The following ACAD10 variants were observed in gnomAD, a reference collection of about 807,000 sequenced individuals.
ACAD10 encodes the protein acyl-CoA dehydrogenase family member 10.
Under a neutral mutation model 116.8 loss-of-function variants are expected in ACAD10, and 112 were observed. The ratio of observed to expected loss-of-function variants is 0.96; its 90% CI spans 0.82 to 1.12. The LOEUF is 1.12. Among genes scored for constraint, ACAD10 ranks in the 50% most tolerant of loss-of-function variants. ACAD10 has a pLI of 0.00. For synonymous variants in ACAD10, 486 were observed against 510.6 expected, an observed-to-expected ratio of 0.95 and a Z score of 0.65; for missense variants, 1,259 against 1,350.2, an observed-to-expected ratio of 0.93 and a Z score of 1.06.
chr12:111,735,818 ATATT>A (rs970598792), intron 11 of ACAD10, among the ~76,000 whole-genome samples: 47 of 151,314 alleles, frequency 3.1e-4, no homozygotes, highest in African/African-American at 3.9e-4. Context: ...TTTTATTTTT[ATATT>A]TATTTATTTA....
chr12:111,709,783 G>A (rs1298042202), intron 5 of ACAD10, 99 bp downstream of exon 5: 1 of 1,282,500 alleles, frequency 7.8e-7, no homozygotes, highest in Non-Finnish European at 1.1e-6. Context: ...CTTTCCTTAG[G>A]GTTTCCCCCT....
At chr12:111,754,629 C>A (rs1394916863) in intron 19 of ACAD10, among the ~76,000 whole-genome samples, 1 of 84,446 alleles carries the variant, frequency 1.2e-5, no homozygotes. Flanking sequence ...AACCCATGCT[C>A]ATGCTCACAG....
intron 2 of ACAD10, among the ~76,000 whole-genome samples, chr12:111,693,927 T>C (rs1888124462): frequency 6.6e-6 from 1 of 152,228 alleles, no homozygotes; most frequent in African/African-American, 2.4e-5. Context: ...ACTCCGACTC[T>C]TTATAGCATG....
intron 3 of ACAD10, among the ~76,000 whole-genome samples, chr12:111,703,630 GAGTTCA>G (rs1888412495): frequency 6.6e-6 from 1 of 152,016 alleles, no homozygotes; most frequent in Admixed American, 6.6e-5. Flanking sequence ...CTGAGGTCAG[GAGTTCA>G]AGACAAGCCC....
chr12:111,710,333 C>T (rs1008248212), intron 5 of ACAD10: 19 of 452,698 alleles, frequency 4.2e-5, no homozygotes, highest in Admixed American at 7.1e-5. Flanking sequence ...AGCGATCTAC[C>T]CACCTTACCC....
At chr12:111,698,483 C>T (rs770400062) in intron 2 of ACAD10, among the ~76,000 whole-genome samples, 1 of 140,048 alleles carries the variant, frequency 7.1e-6, no homozygotes, top group Non-Finnish European at 1.6e-5. Context: ...TTCAGTAAAC[C>T]TTTTTTTTTT....
At chr12:111,712,020 TCC>T (rs1413209562) in intron 5 of ACAD10, among the ~76,000 whole-genome samples, 7 of 152,248 alleles carry the variant, frequency 4.6e-5, no homozygotes, top group Non-Finnish European at 1.0e-4. Flanking sequence ...TCCTTTGTTT[TCC>T]TCTACCTTTG....
intron 8 of ACAD10, among the ~76,000 whole-genome samples, chr12:111,723,688 C>T (rs1355329514): frequency 6.9e-6 from 1 of 144,232 alleles, no homozygotes; most frequent in Non-Finnish European, 1.6e-5. Context: ...GGGCTGACCC[C>T]CCCCCCCACC....
intron 1 of ACAD10, among the ~76,000 whole-genome samples, chr12:111,688,926 C>T (rs1054098379): frequency 6.6e-6 from 1 of 152,148 alleles, no homozygotes; most frequent in African/African-American, 2.4e-5. Flanking sequence ...GGCACGATGG[C>T]TCACGCCTGT....
intron 10 of ACAD10, 109 bp downstream of exon 10, chr12:111,730,065 A>G: frequency 7.0e-7 from 1 of 1,425,026 alleles, no homozygotes; most frequent in Admixed American, 2.2e-5. Context: ...TCCTATTACA[A>G]AGCACCTGTC....
At chr12:111,719,792 A>T (rs2135964359) in intron 7 of ACAD10, among the ~76,000 whole-genome samples, 1 of 152,084 alleles carries the variant, frequency 6.6e-6, no homozygotes, top group South Asian at 2.1e-4. Context: ...CAGTGGCACG[A>T]TCTCGGCCCA....
intron 11 of ACAD10, among the ~76,000 whole-genome samples, chr12:111,735,077 A>T (rs1889508164): frequency 6.6e-6 from 1 of 152,068 alleles, no homozygotes; most frequent in South Asian, 2.1e-4. Flanking sequence ...CAAAAAAATT[A>T]GCTGGGCGTG....
chr12:111,744,617 C>T (rs1286969618), intron 12 of ACAD10, 26 bp from the exon 13 acceptor site: 3 of 1,593,408 alleles, frequency 1.9e-6, no homozygotes, highest in Non-Finnish European at 2.6e-6. Flanking sequence ...TGGGAGTAAT[C>T]ACTGTTTTTC....
chr12:111,742,812 C>G (rs557312589), intron 12 of ACAD10, among the ~76,000 whole-genome samples: 1 of 152,110 alleles, frequency 6.6e-6, no homozygotes. Flanking sequence ...TGGGTTCAAG[C>G]GATTCTCCTG....
intron 19 of ACAD10, 58 bp from the exon 20 acceptor site, chr12:111,755,610 A>C: frequency 7.3e-7 from 1 of 1,371,184 alleles, no homozygotes; most frequent in East Asian, 2.3e-5. Context: ...GGGGGGCCTC[A>C]CTCTGCCACC....
intron 7 of ACAD10, among the ~76,000 whole-genome samples, chr12:111,719,313 G>A (rs777957477): frequency 4.6e-5 from 7 of 152,132 alleles, no homozygotes; most frequent in Non-Finnish European, 1.0e-4. Flanking sequence ...TAGTGCAGTG[G>A]TGCGATCTTG....
At chr12:111,724,744 GTACAGTCCAGCTTCGGCTCGGCA>G (rs1889161965) in intron 8 of ACAD10, among the ~76,000 whole-genome samples, 1 of 152,000 alleles carries the variant, frequency 6.6e-6, no homozygotes, top group Non-Finnish European at 1.5e-5. Flanking sequence ...GATGGCAGCA[GTACAGTCCAGCTTCGGCTCGGCA>G]TGAGAGGGAG....
chr12:111,699,832 A>G (rs902793550), intron 2 of ACAD10, among the ~76,000 whole-genome samples: 3 of 152,140 alleles, frequency 2.0e-5, no homozygotes, highest in Admixed American at 1.3e-4. Context: ...AGGCAGAAGG[A>G]TCACTTGATC....
In ACAD10 at chr12:111,728,042, C is replaced by A. The variant is rs776675002; in HGVS notation, c.1142C>A (p.Pro381His). 12 of 1,614,006 alleles carry A rather than the reference C, an allele frequency of 7.4e-6. No homozygotes were observed. The highest frequency in any genetic ancestry group is 1.0e-5 in the Non-Finnish European group (12 of 1,180,032). ...YKDPSLPGLEPSHRRAIYTAM... is the reference protein window; with the variant it reads ...YKDPSLPGLEHSHRRAIYTAM... The stretch of plus-strand genomic sequence containing the variant: ...GACCCTTCCCTGCCAGGCTTGGAGC[C>A]CAGCCACAGACGAGCCATATACACT... Residue 381 changes from proline to histidine, a missense_variant, in exon 9 of 21, where the codon CCC becomes CAC. Pro to His is a moderately conservative substitution (Grantham distance 77, BLOSUM62 -2). Coordinates refer to ENST00000313698, the MANE Select transcript of ACAD10 (RefSeq NM_025247.6).
Sources: gnomAD v4.1 joint callset for allele counts (sites outside exome capture counted in the v4.1 genomes callset) on GRCh38, gnomAD v4.1.1 for gene constraint, MANE v1.5 for transcripts, NCBI Gene and HGNC (gene_info 2026-07-23, HGNC 2026-07-21) for gene names.